The following GNB5 variants were observed in gnomAD, a reference collection of about 807,000 sequenced individuals.
GNB5 encodes G protein subunit beta 5.
In GNB5, 37 loss-of-function variants were observed where a neutral mutation model predicts 55.3. The observed-to-expected ratio is 0.67, with a 90% CI of 0.51 to 0.88. The LOEUF is 0.88. Ranked by LOEUF, GNB5 falls within the 40% of genes least tolerant of loss-of-function variation. GNB5 has a pLI of 0.00. For synonymous variants in GNB5, 219 were observed against 198.5 expected (o/e 1.10, Z -0.87); for missense variants, 476 against 515.3 (o/e 0.92, Z 0.74).
chr15:52,139,435 A>T (rs1195405717), intron 7 of GNB5, among the ~76,000 whole-genome samples: 1 of 152,194 alleles, frequency 6.6e-6, no homozygotes, highest in Non-Finnish European at 1.5e-5. Context: ...CAGCCTGGGT[A>T]CTAGAGTGAG....
At chr15:52,176,879 C>T (rs1379561398) in intron 3 of GNB5, among the ~76,000 whole-genome samples, 2 of 152,096 alleles carry the variant, frequency 1.3e-5, no homozygotes, top group African/African-American at 4.8e-5. Flanking sequence ...TTCACTGCAC[C>T]CATGGGGTCC....
At chr15:52,189,787 C>T (rs1049120016) in intron 1 of GNB5, among the ~76,000 whole-genome samples, 7 of 152,118 alleles carry the variant, frequency 4.6e-5, no homozygotes, top group African/African-American at 1.7e-4. Flanking sequence ...ACCTTAAAAA[C>T]GCTATCCTAT....
chr15:52,128,450 G>A, intron 9 of GNB5: 1 of 617,976 alleles, frequency 1.6e-6, no homozygotes, highest in East Asian at 2.8e-5. Context: ...CACTGGCCTT[G>A]CAGAGTGAGA....
chr15:52,139,940 C>G (rs2033813804), intron 7 of GNB5: 1 of 1,285,466 alleles, frequency 7.8e-7, no homozygotes, highest in East Asian at 5.6e-5. Context: ...TTCATCCAGC[C>G]TAAATGTCCT....
At chr15:52,175,630 T>C (rs1420079121) in intron 3 of GNB5, among the ~76,000 whole-genome samples, 1 of 152,152 alleles carries the variant, frequency 6.6e-6, no homozygotes, top group Non-Finnish European at 1.5e-5. Flanking sequence ...TCTCAGCTAC[T>C]TGGGAGGCTG....
chr15:52,130,033 G>A (rs757030103), intron 9 of GNB5, among the ~76,000 whole-genome samples: 4 of 152,152 alleles, frequency 2.6e-5, no homozygotes, highest in Non-Finnish European at 5.9e-5. Context: ...AGTGATAAGC[G>A]CAACTCTCCT....
intron 8 of GNB5, among the ~76,000 whole-genome samples, 172 bp from the exon 9 acceptor site, chr15:52,133,641 T>C (rs1209071436): frequency 2.0e-5 from 3 of 152,236 alleles, no homozygotes; most frequent in Non-Finnish European, 2.9e-5. Flanking sequence ...AGAAAGCCCT[T>C]AGACGCCTAG....
intron 2 of GNB5, 26 bp from the exon 3 acceptor site, chr15:52,179,905 G>A: frequency 1.3e-6 from 2 of 1,501,832 alleles, no homozygotes; most frequent in Non-Finnish European, 1.8e-6. Flanking sequence ...CAGCGGAGAG[G>A]GAAGCGGAGA....
In GNB5 at chr15:52,117,102, A is replaced by ATATATATATATATATATATTTTTTTTTTT; in HGVS notation, c.*5654_*5655insAAAAAAAAAAATATATATATATATATATA. On this transcript the variant is annotated 3_prime_UTR_variant, in exon 13 of 13. Coordinates refer to ENST00000261837, the MANE Select transcript of GNB5 (RefSeq NM_016194.4). ...CCACGCCCAGCTAATATATATATAT[A>ATATATATATATATATATATTTTTTTTTTT]TTTTTTTTTAGTACAGACAGGGTTT... The ATATATATATATATATATATTTTTTTTTTT allele has an allele frequency of 1.2e-3, 104 of 87,040 alleles. 7 individuals carry two copies. The highest frequency in any genetic ancestry group is 7.3e-3 in the South Asian group (19 of 2,606). 5.4% of individuals were successfully genotyped at this position (87,040 alleles called of 1,614,324 possible).
In GNB5 at chr15:52,136,163, CA is replaced by C. The variant is rs1566935771; in HGVS notation, c.628-408del. Among the ~76,000 whole-genome samples the C allele has an allele frequency of 4.0e-4, 50 of 124,830 alleles. 1 individual carries two copies. The highest frequency in any genetic ancestry group is 1.4e-3 in the African/African-American group (46 of 32,984). The allele number at this position is 124,830 out of a possible 152,430, so 81.9% of individuals were successfully genotyped here. On this transcript the variant is annotated intron_variant, in intron 7 of 12. Transcript: ENST00000261837. ...ACACACACACACACACACACACACA[CA>C]CACACACACCCTACCTGCTGTATCT...
At position 52,164,119 on chromosome 15, in the gene GNB5, T is replaced by C. The variant is rs185911657; in HGVS notation, c.239-10043A>G. ...GAGTTCAAGACCAGCCTGACCAACATAGTGAGATACAAATATACAAAATAC... is the reference window on the plus strand; with the variant it reads ...GAGTTCAAGACCAGCCTGACCAACACAGTGAGATACAAATATACAAAATAC... On this transcript the variant is annotated intron_variant, in intron 3 of 12. Transcript: ENST00000261837. Among the ~76,000 whole-genome samples, 476 of 145,500 alleles carry C rather than the reference T, an allele frequency of 3.3e-3. 3 individuals are homozygous for C. Among genetic ancestry groups the C allele is most frequent in the African/African-American group, 0.011 (435 of 39,198 alleles).
intron 11 of GNB5, among the ~76,000 whole-genome samples, chr15:52,124,977 C>T (rs74978503): frequency 0.024 from 3,605 of 152,262 alleles, 165 homozygotes; most frequent in African/African-American, 0.083. Flanking sequence ...TAGTTAACAA[C>T]TTGTAAAACT....
chr15:52,122,558 G>C lies in GNB5; in HGVS notation c.*199C>G, dbSNP rs2033297673. 2 of 579,332 alleles carry C rather than the reference G, an allele frequency of 3.5e-6. No individual in the cohort carries two copies. The highest frequency in any genetic ancestry group is 5.6e-5 in the East Asian group (2 of 35,954). 35.9% of individuals were successfully genotyped at this position (579,332 alleles called of 1,614,324 possible). A position where few individuals can be genotyped will look rare whatever the true frequency, so the allele number is the denominator to read the frequency against. On this transcript the variant is annotated 3_prime_UTR_variant, in exon 13 of 13. Coordinates refer to ENST00000261837, the MANE Select transcript of GNB5 (RefSeq NM_016194.4). ...TACTGTACTTGAAGGTATTCTCGCA[G>C]TGCTGAAGGCTCACACTAGTGTATT... is the stretch of plus-strand genomic sequence containing the variant.
At chr15:52,173,389 T>A (rs1383720345) in intron 3 of GNB5, among the ~76,000 whole-genome samples, 1 of 152,218 alleles carries the variant, frequency 6.6e-6, no homozygotes, top group Non-Finnish European at 1.5e-5. Flanking sequence ...TACTGCTTTT[T>A]ATAATAAGGG....
intron 3 of GNB5, among the ~76,000 whole-genome samples, chr15:52,165,802 T>G (rs953394255): frequency 2.0e-4 from 30 of 152,178 alleles, no homozygotes; most frequent in Non-Finnish European, 4.4e-4. Flanking sequence ...GCAAAATAAC[T>G]AGCTAGCATC....
chr15:52,146,203 A>C (rs1270305108), intron 6 of GNB5, among the ~76,000 whole-genome samples: 3 of 152,078 alleles, frequency 2.0e-5, no homozygotes, highest in Admixed American at 6.6e-5. Context: ...GTGATCTGCC[A>C]GTCTCAGCCT....
At chr15:52,151,453 G>A (rs1278411058) in intron 4 of GNB5, among the ~76,000 whole-genome samples, 1 of 152,220 alleles carries the variant, frequency 6.6e-6, no homozygotes, top group Non-Finnish European at 1.5e-5. Context: ...TACCCAGAGA[G>A]AATGTGCCTC....
rs556719519 is a variant in GNB5 at position 52,118,442 on chromosome 15, C to T, written c.*4315G>A. The stretch of plus-strand genomic sequence containing the variant: ...GACTACTGGCATGGGAGAAAGATCA[C>T]CTTGATGGCTAATGGAACGTGTGCA... On this transcript the variant is annotated 3_prime_UTR_variant, in exon 13 of 13. Transcript: ENST00000261837. 1 of 151,968 alleles carries T rather than the reference C, an allele frequency of 6.6e-6. No individual in the cohort carries two copies. The highest frequency in any genetic ancestry group is 1.5e-5 in the Non-Finnish European group (1 of 68,008). The allele number at this position is 151,968 out of a possible 1,614,324, so 9.4% of individuals were successfully genotyped here. A position where few individuals can be genotyped will look rare whatever the true frequency, so the allele number is the denominator to read the frequency against.
At chr15:52,138,075 T>A (rs2141197379) in intron 7 of GNB5, 1 of 631,898 alleles carries the variant, frequency 1.6e-6, no homozygotes, top group South Asian at 1.5e-5. Context: ...CTTTCCCTTT[T>A]TCTTCCCCTC....
Sources: gnomAD v4.1 joint callset for allele counts (sites outside exome capture counted in the v4.1 genomes callset) on GRCh38, gnomAD v4.1.1 for gene constraint, MANE v1.5 for transcripts, NCBI Gene and HGNC (gene_info 2026-07-23, HGNC 2026-07-21) for gene names.